COLEC10: variants seen among roughly 807,000 people sequenced by gnomAD.
COLEC10 encodes collectin subfamily member 10.
In COLEC10, 22 loss-of-function variants were observed where a neutral mutation model predicts 28.4. The ratio of observed to expected loss-of-function variants is 0.78; its 90% CI spans 0.55 to 1.11. COLEC10 has a LOEUF of 1.11. Among genes scored for constraint, COLEC10 ranks in the 50% least tolerant of loss-of-function variants. The probability of loss-of-function intolerance (pLI) is 0.00; values close to 1 mark genes in which losing one functional copy is unlikely to be tolerated. For missense variants in COLEC10, 361 were observed against 344.1 expected, an observed-to-expected ratio of 1.05 and a Z score of -0.39; for synonymous variants, 125 against 116.1, an observed-to-expected ratio of 1.08 and a Z score of -0.49.
rs1220152781 is a variant in COLEC10 at position 119,103,785 on chromosome 8, T to G, written c.347-15T>G. The G allele has an allele frequency of 6.5e-7, 1 of 1,540,734 alleles. No homozygotes were observed. The highest frequency in any genetic ancestry group is 1.4e-5 in the African/African-American group (1 of 73,062). ...GGTACTTCAACATGAATTCACAGTT[T>G]TTGTCATTTAAAAGGTACTGTCTGT... is the stretch of plus-strand genomic sequence containing the variant. On this transcript the variant is annotated splice_polypyrimidine_tract_variant and intron_variant, in intron 4 of 5. Transcript: ENST00000332843.
chr8:119,085,348 A>G (rs1398489554), intron 1 of COLEC10, among the ~76,000 whole-genome samples: 34 of 152,172 alleles, frequency 2.2e-4, no homozygotes, highest in Non-Finnish European at 1.5e-5. Flanking sequence ...TTGGGGAAGT[A>G]AAAGTACTAG....
At chr8:118,993,799 T>C (rs991004139), upstream of COLEC10, among the ~76,000 whole-genome samples, 2 of 152,152 alleles carry the variant, frequency 1.3e-5, no homozygotes, top group African/African-American at 4.8e-5. Flanking sequence ...AGTCACATTC[T>C]GAGATACTGG....
chr8:119,069,631 T>A (rs2450059), intron 1 of COLEC10, among the ~76,000 whole-genome samples: 4,415 of 21,342 alleles, frequency 0.21, 322 homozygotes, highest in East Asian at 0.36. Context: ...AAAAAAAAAA[T>A]ATATATATAT....
chr8:119,047,800 A>C (rs952209614), intron 2 of COLEC10, among the ~76,000 whole-genome samples: 2 of 152,102 alleles, frequency 1.3e-5, no homozygotes, highest in Admixed American at 6.5e-5. Context: ...TTGTTAGACA[A>C]ATCTGATTTT....
At chr8:119,098,320 C>G (rs1236277815) in intron 3 of COLEC10, among the ~76,000 whole-genome samples, 1 of 151,876 alleles carries the variant, frequency 6.6e-6, no homozygotes, top group Non-Finnish European at 1.5e-5. Flanking sequence ...TTAGCTGAGC[C>G]CCAAAGTGGA....
chr8:119,067,475 C>T lies in COLEC10; in HGVS notation c.148+46C>T, dbSNP rs1206801271. 3.2e-6 allele frequency: 5 copies of T among 1,554,738 alleles called. No homozygotes were observed. In the South Asian group the frequency reaches 4.6e-5, roughly 14 times the overall value. The stretch of plus-strand genomic sequence containing the variant: ...TTTTCATGTATAATAAATATGATAT[C>T]TTCCCTCATCTCTGAACCCCTTCCT... On this transcript the variant is annotated intron_variant, in intron 1 of 5. Transcript: ENST00000332843.
chr8:119,024,432 G>A (rs1405485446), intron 2 of COLEC10, among the ~76,000 whole-genome samples: 2 of 152,068 alleles, frequency 1.3e-5, no homozygotes, highest in African/African-American at 2.4e-5. Flanking sequence ...TTATGTATAT[G>A]ACCTCAGATG....
chr8:119,006,323 A>G, intron 1 of COLEC10, among the ~76,000 whole-genome samples: 1 of 152,042 alleles, frequency 6.6e-6, no homozygotes, highest in Non-Finnish European at 1.5e-5. Context: ...AGGCTCAAAC[A>G]ACCATTGCCT....
chr8:119,068,455 G>A (rs1474529471), intron 1 of COLEC10: 2 of 152,112 alleles, frequency 1.3e-5, no homozygotes, highest in South Asian at 2.1e-4. Context: ...TGAATAATGC[G>A]AGGGCAAATG....
At chr8:119,001,897 C>T (rs1813708804) in intron 1 of COLEC10, among the ~76,000 whole-genome samples, 1 of 152,140 alleles carries the variant, frequency 6.6e-6, no homozygotes, top group Admixed American at 6.6e-5. Context: ...ATATGTGATA[C>T]CACAGCCTGA....
rs1207445435 is a variant in COLEC10 at position 119,069,629 on chromosome 8, AATATATATAT to A, written c.148+2223_148+2232del. ...TCAAAAAAAAAAAAAAAAAAAAAAA[AATATATATAT>A]ATATATATATATATATATATATGTA... On this transcript the variant is annotated intron_variant, in intron 1 of 5. Coordinates refer to ENST00000332843, the MANE Select transcript of COLEC10 (RefSeq NM_006438.5). Among the ~76,000 whole-genome samples the A allele has an allele frequency of 2.0e-3, 87 of 42,872 alleles. 2 individuals are homozygous for A. Among genetic ancestry groups the A allele is most frequent in the African/African-American group, 3.1e-3 (41 of 13,410 alleles). The allele number at this position is 42,872 out of a possible 152,430, so 28.1% of individuals were successfully genotyped here. A position where few individuals can be genotyped will look rare whatever the true frequency, so the allele number is the denominator to read the frequency against.
chr8:119,067,529 C>G lies in COLEC10; in HGVS notation c.148+100C>G, dbSNP rs903960074. 2.7e-5 allele frequency: 30 copies of G among 1,095,992 alleles called. No homozygotes were observed. In the Admixed American group the frequency reaches 7.3e-4, roughly 26 times the overall value. 67.9% of individuals were successfully genotyped at this position (1,095,992 alleles called of 1,614,324 possible). A position where few individuals can be genotyped will look rare whatever the true frequency, so the allele number is the denominator to read the frequency against. ...TTTCAATGACTTTCTCTTCTCTCCT[C>G]CCTAGTTTCCTCCCATTTTCCTTCT... On this transcript the variant is annotated intron_variant, in intron 1 of 5. Coordinates refer to ENST00000332843, the MANE Select transcript of COLEC10 (RefSeq NM_006438.5).
Position 119,102,620 on chromosome 8 carries a change from A to G in COLEC10, c.346+219A>G, listed in dbSNP as rs1179734021. ...GATGATGACACGTTTCATCCCTGCC[A>G]TGCTTACTATGAGAAGAAAGCCCAG... is the stretch of plus-strand genomic sequence containing the variant. On this transcript the variant is annotated intron_variant, in intron 4 of 5. Transcript: ENST00000332843. The G allele has an allele frequency of 1.4e-5, 6 of 443,676 alleles. No homozygotes were observed. In the Admixed American group the frequency reaches 2.0e-4, roughly 15 times the overall value. The allele number at this position is 443,676 out of a possible 1,614,324, so 27.5% of individuals were successfully genotyped here. A position where few individuals can be genotyped will look rare whatever the true frequency, so the allele number is the denominator to read the frequency against.
the COLEC10 span, among the ~76,000 whole-genome samples, chr8:118,986,502 T>A: frequency 2.0e-5 from 3 of 152,006 alleles, no homozygotes; most frequent in Non-Finnish European, 4.4e-5. Flanking sequence ...GAATAAAATA[T>A]TCAAAGAAAC....
At chr8:119,094,084 A>G (rs1587060606) in intron 3 of COLEC10, among the ~76,000 whole-genome samples, 1 of 152,292 alleles carries the variant, frequency 6.6e-6, no homozygotes, top group East Asian at 1.9e-4. Context: ...GTTTCCAAGA[A>G]TACTCCTACC....
At chr8:118,959,765 TC>T in the COLEC10 span, among the ~76,000 whole-genome samples, 6 of 152,202 alleles carry the variant, frequency 3.9e-5, no homozygotes, top group African/African-American at 9.7e-5. Context: ...GTCCCCAAGT[TC>T]CCACAATGTG....
At chr8:119,091,368 C>A in intron 3 of COLEC10, 148 bp downstream of exon 3, 2 of 523,410 alleles carry the variant, frequency 3.8e-6, no homozygotes, top group Non-Finnish European at 6.6e-6. Flanking sequence ...CACAACACAG[C>A]AAGACCCAAT....
intron 2 of COLEC10, among the ~76,000 whole-genome samples, chr8:119,017,105 A>G (rs1587000018): frequency 6.6e-6 from 1 of 152,170 alleles, no homozygotes; most frequent in Admixed American, 6.5e-5. Context: ...ACCATTGATG[A>G]TGAGCTTTTT....
At chr8:119,091,325 A>T (rs998384112) in intron 3 of COLEC10, 105 bp downstream of exon 3, 1 of 783,786 alleles carries the variant, frequency 1.3e-6, no homozygotes, top group Non-Finnish European at 2.1e-6. Flanking sequence ...AGGTGGGAGG[A>T]TACCTTGAAG....
Sources: allele counts gnomAD v4.1 joint callset (sites outside exome capture counted in the v4.1 genomes callset), GRCh38; gene constraint gnomAD v4.1.1; transcripts MANE v1.5; gene names NCBI Gene and HGNC (gene_info 2026-07-23, HGNC 2026-07-21).